SLC16A7: variants seen among roughly 807,000 people sequenced by gnomAD.
The protein encoded by SLC16A7 is monocarboxylate transporter 2.
In SLC16A7, 33 loss-of-function variants were observed where a neutral mutation model predicts 34.9. The observed-to-expected ratio is 0.94, with a 90% CI of 0.72 to 1.26. The LOEUF is 1.26. Ranked by LOEUF, SLC16A7 falls within the 50% of genes most tolerant of loss-of-function variation. The pLI, the probability that SLC16A7 is intolerant of heterozygous loss-of-function variation, is 0.00. For missense variants in SLC16A7, 573 were observed against 578.1 expected (o/e 0.99, Z 0.09); for synonymous variants, 201 against 206.6 (o/e 0.97, Z 0.23).
At position 59,600,635 on chromosome 12, in the gene SLC16A7, G is replaced by A. The variant is rs557847515; in HGVS notation, c.-130+4399G>A. Reference sequence around the variant, plus strand: ...GAGGAATAAATAACACTTATCACACGTATTTGGTAATTAGTAAATAAGTGG... The same window carrying A: ...GAGGAATAAATAACACTTATCACACATATTTGGTAATTAGTAAATAAGTGG... On this transcript the variant is annotated intron_variant, in intron 1 of 5. Transcript: ENST00000547379. Among the ~76,000 whole-genome samples, 65 of 152,202 alleles carry A rather than the reference G, an allele frequency of 4.3e-4. No homozygotes were observed. The South Asian group carries it at 0.011, about 25-fold the overall frequency.
rs1343971696 is a variant in SLC16A7 at position 59,701,185 on chromosome 12, G to T, written c.-30-3587G>T. Among the ~76,000 whole-genome samples, 5 of 151,012 alleles carry T rather than the reference G, an allele frequency of 3.3e-5. No individual in the cohort carries two copies. The South Asian group carries it at 8.4e-4, about 25-fold the overall frequency. Reference sequence around the variant, plus strand: ...TTAGGATGATAGGTAAATTTGTCTAGTACGTATTAGTCATGCCATTTACAT... The same window carrying T: ...TTAGGATGATAGGTAAATTTGTCTATTACGTATTAGTCATGCCATTTACAT... On this transcript the variant is annotated intron_variant, in intron 2 of 5. Coordinates refer to ENST00000547379, the MANE Select transcript of SLC16A7 (RefSeq NM_001270623.2).
intron 1 of SLC16A7, among the ~76,000 whole-genome samples, chr12:59,639,560 A>G (rs1244264961): frequency 2.0e-5 from 3 of 151,920 alleles, no homozygotes; most frequent in Non-Finnish European, 2.9e-5. Context: ...ATTTTTTTGT[A>G]TCTTTTGTAG....
At chr12:59,654,991 T>G (rs1324906140) in intron 1 of SLC16A7, among the ~76,000 whole-genome samples, 161 bp from the exon 2 acceptor site, 1 of 151,992 alleles carries the variant, frequency 6.6e-6, no homozygotes, top group East Asian at 1.9e-4. Context: ...GTCCTTTAAA[T>G]AAAAGCTTGG....
At chr12:59,601,693 A>C (rs996059956) in intron 1 of SLC16A7, among the ~76,000 whole-genome samples, 24 of 152,222 alleles carry the variant, frequency 1.6e-4, no homozygotes, top group Non-Finnish European at 3.1e-4. Flanking sequence ...TCACAGTTCT[A>C]GAGGCTGGAA....
At chr12:59,721,984 C>CTT (rs1875655705) in intron 3 of SLC16A7, among the ~76,000 whole-genome samples, 1 of 151,852 alleles carries the variant, frequency 6.6e-6, no homozygotes, top group African/African-American at 2.4e-5. Context: ...TATATACTTG[C>CTT]TCCATAAATG....
intron 3 of SLC16A7, among the ~76,000 whole-genome samples, chr12:59,752,164 G>C (rs1424243474): frequency 6.6e-6 from 1 of 151,970 alleles, no homozygotes; most frequent in Non-Finnish European, 1.5e-5. Flanking sequence ...GGAAAAAACA[G>C]CAGAAAAACT....
intron 3 of SLC16A7, among the ~76,000 whole-genome samples, chr12:59,714,181 A>G (rs1198362180): frequency 1.3e-5 from 2 of 152,210 alleles, no homozygotes; most frequent in African/African-American, 2.4e-5. Flanking sequence ...CTAGTAGCCC[A>G]GAGGAGGTGA....
intron 3 of SLC16A7, among the ~76,000 whole-genome samples, chr12:59,747,563 C>T (rs139842361): frequency 3.9e-5 from 6 of 152,262 alleles, no homozygotes; most frequent in Non-Finnish European, 8.8e-5. Flanking sequence ...TGGAGGGAAA[C>T]AATCCAGGAA....
intron 3 of SLC16A7, among the ~76,000 whole-genome samples, chr12:59,711,918 G>A (rs1874266656): frequency 6.6e-6 from 1 of 152,184 alleles, no homozygotes; most frequent in African/African-American, 2.4e-5. Context: ...AAGCAGAAGA[G>A]CATTATAGTT....
chr12:59,646,099 A>G (rs1221813154), intron 1 of SLC16A7, among the ~76,000 whole-genome samples: 3 of 152,090 alleles, frequency 2.0e-5, no homozygotes, highest in African/African-American at 7.2e-5. Context: ...GAAAAGAAAA[A>G]CCCATTTTCT....
intron 3 of SLC16A7, among the ~76,000 whole-genome samples, chr12:59,756,461 C>G (rs879294990): frequency 6.6e-6 from 1 of 151,934 alleles, no homozygotes; most frequent in African/African-American, 2.4e-5. Flanking sequence ...TGAACAGACA[C>G]TTCTCAAAAG....
intron 3 of SLC16A7, among the ~76,000 whole-genome samples, chr12:59,770,203 T>C (rs972717502): frequency 1.3e-5 from 2 of 152,140 alleles, no homozygotes; most frequent in African/African-American, 2.4e-5. Context: ...CAGACATACA[T>C]TGGAAAATAT....
intron 2 of SLC16A7, among the ~76,000 whole-genome samples, chr12:59,657,634 C>A (rs1480762728): frequency 6.6e-6 from 1 of 151,964 alleles, no homozygotes; most frequent in Non-Finnish European, 1.5e-5. Context: ...GGTGGTGGGT[C>A]TGCTTTAGAC....
At chr12:59,707,712 T>A (rs573230697) in intron 3 of SLC16A7, among the ~76,000 whole-genome samples, 1 of 152,228 alleles carries the variant, frequency 6.6e-6, no homozygotes, top group South Asian at 2.1e-4. Flanking sequence ...GTGAAAGCAG[T>A]GCTAGATACA....
chr12:59,707,710 AG>A (rs1380247637), intron 3 of SLC16A7, among the ~76,000 whole-genome samples: 1 of 152,108 alleles, frequency 6.6e-6, no homozygotes, highest in Non-Finnish European at 1.5e-5. Context: ...TTGTGAAAGC[AG>A]TGCTAGATAC....
intron 2 of SLC16A7, among the ~76,000 whole-genome samples, chr12:59,679,855 G>A (rs1051384286): frequency 6.6e-6 from 1 of 152,168 alleles, no homozygotes; most frequent in Admixed American, 6.5e-5. Flanking sequence ...AAGAAGCATA[G>A]TAAGAGTTAC....
chr12:59,717,695 A>G (rs1013597620), intron 3 of SLC16A7, among the ~76,000 whole-genome samples: 1 of 152,200 alleles, frequency 6.6e-6, no homozygotes, highest in African/African-American at 2.4e-5. Context: ...TGTTTCCCTA[A>G]CAAAATAGTC....
chr12:59,631,135 C>T (rs1880163459), intron 1 of SLC16A7, among the ~76,000 whole-genome samples: 1 of 151,926 alleles, frequency 6.6e-6, no homozygotes, highest in Non-Finnish European at 1.5e-5. Context: ...AAGAGTTTTA[C>T]ATATACTACA....
chr12:59,657,419 T>C (rs763053919), intron 2 of SLC16A7, among the ~76,000 whole-genome samples: 2 of 151,996 alleles, frequency 1.3e-5, no homozygotes, highest in African/African-American at 4.8e-5. Context: ...TGTTGTGATG[T>C]CACTACTTAA....
Sources: gnomAD v4.1 joint callset for allele counts (sites outside exome capture counted in the v4.1 genomes callset) on GRCh38, gnomAD v4.1.1 for gene constraint, MANE v1.5 for transcripts, NCBI Gene and HGNC (gene_info 2026-07-23, HGNC 2026-07-21) for gene names.